Variants in TFDP1 observed in about 807,000 individuals in gnomAD.
TFDP1 encodes transcription factor Dp-1.
In TFDP1, 6 loss-of-function variants were observed where a neutral mutation model predicts 48.0. The observed-to-expected ratio is 0.13, with a 90% confidence interval of 0.07 to 0.25. The LOEUF (loss-of-function observed/expected upper bound fraction) is 0.25. Among genes scored for constraint, TFDP1 ranks in the 10% least tolerant of loss-of-function variants. The pLI, the probability that TFDP1 is intolerant of heterozygous loss-of-function variation, is 1.00. For synonymous variants in TFDP1, 201 were observed against 211.6 expected (o/e 0.95, Z 0.44); for missense variants, 335 against 543.0 (o/e 0.62, Z 3.81).
At position 113,634,664 on chromosome 13, in the gene TFDP1, C is replaced by T. The variant is rs568492901; in HGVS notation, c.687+62C>T. The T allele has an allele frequency of 8.5e-5, 106 of 1,249,648 alleles. No homozygotes were observed. The East Asian group carries it at 1.8e-3, about 21-fold the overall frequency. The allele number at this position is 1,249,648 out of a possible 1,614,324, so 77.4% of individuals were successfully genotyped here. On this transcript the variant is annotated intron_variant, in intron 8 of 11. Coordinates refer to ENST00000375370, the MANE Select transcript of TFDP1 (RefSeq NM_007111.5). ...TTATTTTACTAATTTAGCTTTATAA[C>T]GGCAACATACTGCCTTGGGTTACAC...
chr13:113,603,831 A>T (rs1182730480), intron 2 of TFDP1, among the ~76,000 whole-genome samples: 4 of 152,152 alleles, frequency 2.6e-5, no homozygotes, highest in Admixed American at 2.6e-4. Context: ...TTGCATCTTG[A>T]GTGTAAAGAT....
intron 2 of TFDP1, among the ~76,000 whole-genome samples, chr13:113,608,176 C>T (rs1234717743): frequency 6.6e-6 from 1 of 152,154 alleles, no homozygotes; most frequent in African/African-American, 2.4e-5. Context: ...GGAGGAGCAG[C>T]CCCCACTCTG....
At chr13:113,604,768 G>T (rs1293946735) in intron 2 of TFDP1, among the ~76,000 whole-genome samples, 2 of 152,208 alleles carry the variant, frequency 1.3e-5, no homozygotes, top group Non-Finnish European at 2.9e-5. Flanking sequence ...GGCCAACCAG[G>T]ACAGGCGGTC....
chr13:113,622,953 G>A (rs1031983100), intron 3 of TFDP1, among the ~76,000 whole-genome samples: 3 of 152,252 alleles, frequency 2.0e-5, no homozygotes, highest in Admixed American at 2.0e-4. Context: ...GATCTGCCTG[G>A]GTCACCTGGG....
At chr13:113,618,805 A>G (rs2048924276) in intron 3 of TFDP1, among the ~76,000 whole-genome samples, 1 of 152,260 alleles carries the variant, frequency 6.6e-6, no homozygotes, top group Admixed American at 6.5e-5. Flanking sequence ...GCATAACAGC[A>G]TTTAAGGAAA....
intron 11 of TFDP1, 58 bp from the exon 12 acceptor site, chr13:113,640,062 G>C: frequency 7.7e-6 from 10 of 1,291,326 alleles, no homozygotes; most frequent in Admixed American, 2.3e-5. Context: ...GCCCTGAGGC[G>C]GGGGGAGGCT....
chr13:113,640,534 G>T lies in TFDP1; in HGVS notation c.*267G>T. 1 of 388,464 alleles carries T rather than the reference G, an allele frequency of 2.6e-6. No homozygotes were observed. Among genetic ancestry groups the T allele is most frequent in the Non-Finnish European group, 4.3e-6 (1 of 232,104 alleles). The allele number at this position is 388,464 out of a possible 1,614,324, so 24.1% of individuals were successfully genotyped here. A position where few individuals can be genotyped will look rare whatever the true frequency, so the allele number is the denominator to read the frequency against. On this transcript the variant is annotated 3_prime_UTR_variant, in exon 12 of 12. Transcript: ENST00000375370. ...GTTTTCATTTGCTATTTTTCTTTAA[G>T]TGCAGAGTTCATTTTTGCCCCTGAA... is the stretch of plus-strand genomic sequence containing the variant.
In TFDP1 at chr13:113,627,443, C is replaced by T. The variant is rs1052873014; in HGVS notation, c.186+4157C>T. ...AGTCGGCATCTGTGGTCGCAGTGGC[C>T]TTTCCTTTGCAGCTGCGCCACTGGC... On this transcript the variant is annotated intron_variant, in intron 4 of 11. Coordinates refer to ENST00000375370, the MANE Select transcript of TFDP1 (RefSeq NM_007111.5). The surrounding 1 kb of genome is among the most constrained non-coding windows in gnomAD (Gnocchi z 4.1). Among the ~76,000 whole-genome samples, 3 of 152,200 alleles carry T rather than the reference C, an allele frequency of 2.0e-5. No homozygotes were observed. The highest frequency in any genetic ancestry group is 7.2e-5 in the African/African-American group (3 of 41,450).
chr13:113,601,805 A>C (rs2140339714), intron 2 of TFDP1, among the ~76,000 whole-genome samples: 1 of 152,038 alleles, frequency 6.6e-6, no homozygotes, highest in East Asian at 1.9e-4. Flanking sequence ...ATGGGGGAGC[A>C]GACAGAGTTA....
chr13:113,630,491 G>C (rs1191289570), intron 4 of TFDP1, among the ~76,000 whole-genome samples: 1 of 152,130 alleles, frequency 6.6e-6, no homozygotes, highest in Non-Finnish European at 1.5e-5. Flanking sequence ...GGGGAGCTGG[G>C]GGGGCCCAGC....
At chr13:113,634,138 CTG>C in intron 7 of TFDP1, 105 bp downstream of exon 7, 1 of 1,497,904 alleles carries the variant, frequency 6.7e-7, no homozygotes, top group Non-Finnish European at 9.3e-7. Context: ...CTTATGCTCT[CTG>C]TGTCCGGCTG....
chr13:113,620,500 A>G (rs778906995), intron 3 of TFDP1, among the ~76,000 whole-genome samples: 4 of 152,222 alleles, frequency 2.6e-5, no homozygotes, highest in Non-Finnish European at 5.9e-5. Flanking sequence ...TTTGTAATGA[A>G]TCAACTACAT....
At position 113,622,952 on chromosome 13, in the gene TFDP1, G is replaced by T. The variant is rs186115058; in HGVS notation, c.80-228G>T. On this transcript the variant is annotated intron_variant, in intron 3 of 11. Coordinates refer to ENST00000375370, the MANE Select transcript of TFDP1 (RefSeq NM_007111.5). The stretch of plus-strand genomic sequence containing the variant: ...GGCTGGAGCAGTGGATGATCTGCCT[G>T]GGTCACCTGGGTGGCGTCAGCGCGG... 4.6e-5 allele frequency among the ~76,000 whole-genome samples: 7 copies of T among 152,380 alleles called. No homozygotes were observed. In the East Asian group the frequency reaches 1.4e-3, roughly 29 times the overall value.
At chr13:113,611,136 A>G in intron 3 of TFDP1, 74 bp downstream of exon 3, 1 of 1,396,082 alleles carries the variant, frequency 7.2e-7, no homozygotes, top group Non-Finnish European at 1.0e-6. Flanking sequence ...GAAGCTGTTG[A>G]CGCTGAAGCC....
intron 2 of TFDP1, among the ~76,000 whole-genome samples, chr13:113,602,964 T>C (rs1339203938): frequency 7.9e-6 from 1 of 126,312 alleles, no homozygotes; most frequent in Non-Finnish European, 1.6e-5. Context: ...CTAACAATAG[T>C]TGAGCTAAAA....
chr13:113,638,505 G>A (rs1386026010), intron 11 of TFDP1, among the ~76,000 whole-genome samples: 1 of 149,666 alleles, frequency 6.7e-6, no homozygotes, highest in African/African-American at 2.5e-5. Context: ...GAACGCGTCT[G>A]TGATTATGGT....
chr13:113,634,481 C>T (rs2049420340), intron 7 of TFDP1, 53 bp from the exon 8 acceptor site: 9 of 1,514,826 alleles, frequency 5.9e-6, no homozygotes, highest in African/African-American at 1.4e-5. Context: ...TTTTAAAAAA[C>T]GCTCTGTGGA....
At chr13:113,591,307 C>T (rs1700092704) in intron 2 of TFDP1, among the ~76,000 whole-genome samples, 3 of 150,404 alleles carry the variant, frequency 2.0e-5, no homozygotes, top group Non-Finnish European at 4.4e-5. Context: ...CGCCATTGCA[C>T]TCCAGCCTGG....
At chr13:113,595,135 A>G (rs1417283254) in intron 2 of TFDP1, among the ~76,000 whole-genome samples, 4 of 152,158 alleles carry the variant, frequency 2.6e-5, no homozygotes, top group African/African-American at 9.7e-5. Flanking sequence ...GTAGATGGTC[A>G]GTTACTGAAA....
Sources: gnomAD v4.1 joint callset for allele counts (sites outside exome capture counted in the v4.1 genomes callset) on GRCh38, gnomAD v4.1.1 for gene constraint, Gnocchi (gnomAD v3.1) non-coding constraint, MANE v1.5 for transcripts, NCBI Gene and HGNC (gene_info 2026-07-23, HGNC 2026-07-21) for gene names.